GSE1: variants seen among roughly 807,000 people sequenced by gnomAD.
The protein encoded by GSE1 is genetic suppressor element 1.
Under a neutral mutation model 112.6 loss-of-function variants are expected in GSE1, and 32 were observed. That is an observed-to-expected ratio of 0.28 (90% CI 0.21 to 0.38). The LOEUF is 0.38. GSE1 is among the 10% of genes least tolerant of loss of function. GSE1 has a pLI of 1.00. For synonymous variants in GSE1, 1,115 were observed against 735.6 expected, an observed-to-expected ratio of 1.52 and a Z score of -8.35; for missense variants, 2,348 against 1,699.2, an observed-to-expected ratio of 1.38 and a Z score of -6.71.
chr16:85,432,946 C>G (rs567527061), intron 2 of GSE1, among the ~76,000 whole-genome samples: 4 of 152,202 alleles, frequency 2.6e-5, no homozygotes, highest in African/African-American at 4.8e-5. Context: ...AGGGACTGAT[C>G]TGGCATCCAG....
Position 85,419,618 on chromosome 16 carries a change from C to CA in GSE1, c.2464+61981dup, listed in dbSNP as rs1488585743. ...AAGGCTGTGTCTCAAAAAAAAAAAA[C>CA]AAAAAACAAAAAACAAAAAATAACA... On this transcript the variant is annotated intron_variant, in intron 2 of 2. Transcript: ENST00000637419. This position sits in a 1 kb window ranked among gnomAD's most constrained non-coding sequence, Gnocchi z 6.5. Among the ~76,000 whole-genome samples, 1 of 145,792 alleles carries CA rather than the reference C, an allele frequency of 6.9e-6. No individual in the cohort carries two copies. The highest frequency in any genetic ancestry group is 2.2e-4 in the South Asian group (1 of 4,604).
intron 2 of GSE1, among the ~76,000 whole-genome samples, chr16:85,437,515 G>C (rs936666993): frequency 6.6e-6 from 1 of 152,070 alleles, no homozygotes; most frequent in Non-Finnish European, 1.5e-5. Flanking sequence ...CCTGGGGGAG[G>C]AGGGAGCTAC....
chr16:85,497,086 A>G (rs536573193), intron 2 of GSE1, among the ~76,000 whole-genome samples: 1 of 152,026 alleles, frequency 6.6e-6, no homozygotes, highest in South Asian at 2.1e-4. Flanking sequence ...TTTAGTAGAA[A>G]CAGGGTTTCG....
intron 1 of GSE1, among the ~76,000 whole-genome samples, chr16:85,193,768 A>G (rs147503987): frequency 1.0e-3 from 152 of 152,304 alleles, no homozygotes; most frequent in Middle Eastern, 3.4e-3. Context: ...CAATTTTTAA[A>G]AGCATTTTAT....
intron 1 of GSE1, among the ~76,000 whole-genome samples, chr16:85,616,148 T>C (rs1169422822): frequency 3.3e-5 from 5 of 152,246 alleles, no homozygotes; most frequent in African/African-American, 1.2e-4. Context: ...ACCGGGGTCC[T>C]GCACCTCTGA....
upstream of GSE1, among the ~76,000 whole-genome samples, chr16:85,612,290 G>A (rs1309566741): frequency 1.3e-5 from 2 of 151,930 alleles, no homozygotes; most frequent in South Asian, 2.1e-4. Context: ...GGGTGGGAAG[G>A]CTGGGGCCTT....
chr16:85,222,595 C>CA (rs1031318087), intron 1 of GSE1, among the ~76,000 whole-genome samples: 25 of 152,244 alleles, frequency 1.6e-4, no homozygotes, highest in African/African-American at 5.8e-4. Flanking sequence ...CATGCACCAA[C>CA]ATCTCTTTGT....
intron 1 of GSE1, among the ~76,000 whole-genome samples, chr16:85,210,107 G>A (rs530402068): frequency 6.6e-6 from 1 of 152,170 alleles, no homozygotes; most frequent in Non-Finnish European, 1.5e-5. Flanking sequence ...TCATATTGCC[G>A]CTGGCAGCAT....
intron 1 of GSE1, among the ~76,000 whole-genome samples, chr16:85,627,044 C>CTTTTT (rs564272210): frequency 0.017 from 423 of 25,056 alleles, 72 homozygotes; most frequent in East Asian, 0.045. Flanking sequence ...TTCTTCTTGC[C>CTTTTT]TTTTTTTTTT....
upstream of GSE1, among the ~76,000 whole-genome samples, chr16:85,612,924 GT>G (rs1240767837): frequency 2.6e-5 from 4 of 151,618 alleles, no homozygotes; most frequent in Non-Finnish European, 5.9e-5. Flanking sequence ...TACTTTAAGA[GT>G]TAAGTGGCCG....
chr16:85,318,666 G>A (rs552468846), intron 1 of GSE1, among the ~76,000 whole-genome samples: 16 of 152,306 alleles, frequency 1.1e-4, no homozygotes, highest in South Asian at 4.1e-4. Flanking sequence ...TAGAGCCAGC[G>A]CCATCGTTCA....
chr16:85,513,469 G>T (rs968085677), intron 2 of GSE1, among the ~76,000 whole-genome samples: 9 of 152,076 alleles, frequency 5.9e-5, no homozygotes, highest in Non-Finnish European at 1.0e-4. Flanking sequence ...CACTGTGGGG[G>T]GCTCCTGCAG....
At chr16:85,613,271 T>G, upstream of GSE1, 1 of 1,510,460 alleles carries the variant, frequency 6.6e-7, no homozygotes, top group Non-Finnish European at 8.9e-7. Context: ...AAGCTCCACC[T>G]CCCCAGCGGG....
intron 1 of GSE1, chr16:85,594,295 A>G (rs115850402): frequency 0.072 from 9,623 of 134,240 alleles, 1,091 homozygotes; most frequent in African/African-American, 0.26. Context: ...TCCCTGCCCC[A>G]CCGCGGTCAG....
intron 2 of GSE1, among the ~76,000 whole-genome samples, chr16:85,451,073 TCAAA>T (rs1187989818): frequency 3.0e-4 from 8 of 26,578 alleles, no homozygotes; most frequent in African/African-American, 1.4e-3. Context: ...AAACGCCATC[TCAAA>T]AAAAAAAAAA....
intron 1 of GSE1, among the ~76,000 whole-genome samples, chr16:85,195,752 C>G (rs1279881976): frequency 6.6e-6 from 1 of 152,206 alleles, no homozygotes; most frequent in Non-Finnish European, 1.5e-5. Context: ...GGGCACCGCA[C>G]TGCTGAGACT....
intron 2 of GSE1, among the ~76,000 whole-genome samples, chr16:85,472,415 C>A (rs112485003): frequency 3.3e-5 from 5 of 152,314 alleles, no homozygotes; most frequent in African/African-American, 1.2e-4. Context: ...TCTCCTCCCG[C>A]GGCCTTCTTT....
At chr16:85,663,248 G>T in intron 10 of GSE1, 96 bp from the exon 11 acceptor site, 1 of 1,426,102 alleles carries the variant, frequency 7.0e-7, no homozygotes. Flanking sequence ...GCCAGCTACG[G>T]CCCACACTTC....
upstream of GSE1, chr16:85,611,461 G>A (rs1032803434): frequency 2.4e-5 from 24 of 985,092 alleles, no homozygotes; most frequent in Non-Finnish European, 2.8e-5. Context: ...GGGGGGCGCC[G>A]CCGGTGAGCT....
Sources: allele counts gnomAD v4.1 joint callset (sites outside exome capture counted in the v4.1 genomes callset), GRCh38; gene constraint gnomAD v4.1.1; non-coding constraint Gnocchi (gnomAD v3.1); transcripts MANE v1.5; gene names NCBI Gene and HGNC (gene_info 2026-07-23, HGNC 2026-07-21).